Variants in TIFAB observed in about 807,000 individuals in gnomAD.
TIFAB encodes TIFA inhibitor.
For synonymous variants in TIFAB, 116 were observed against 95.2 expected, an observed-to-expected ratio of 1.22 and a Z score of -1.27; for missense variants, 222 against 203.6, an observed-to-expected ratio of 1.09 and a Z score of -0.55.
intron 1 of TIFAB, chr5:135,450,523 G>A (rs1769345690): frequency 6.6e-6 from 1 of 152,296 alleles, no homozygotes; most frequent in Non-Finnish European, 1.5e-5. Flanking sequence ...GCCTAGTCCT[G>A]GCCACCAGAA....
rs905150965 is a variant in TIFAB, at chr5:135,444,767, C to G, written c.*4687G>C. On this transcript the variant is annotated 3_prime_UTR_variant, in exon 2 of 2. Transcript: ENST00000537858. ...GACACCGGGAGACCTGGAAACAGCC[C>G]CTTGACAAAGTCTTGCTCTACACGT... is the stretch of plus-strand genomic sequence containing the variant. 21 of 152,288 alleles carry G rather than the reference C, an allele frequency of 1.4e-4. No individual in the cohort carries two copies. The highest frequency in any genetic ancestry group is 4.8e-4 in the African/African-American group (20 of 41,532). The allele number at this position is 152,288 out of a possible 1,614,324, so 9.4% of individuals were successfully genotyped here. A position where few individuals can be genotyped will look rare whatever the true frequency, so the allele number is the denominator to read the frequency against.
rs1385083781 is a variant in TIFAB at position 135,446,023 on chromosome 5, C to T, written c.*3431G>A. On this transcript the variant is annotated 3_prime_UTR_variant, in exon 2 of 2. Coordinates refer to ENST00000537858, the MANE Select transcript of TIFAB (RefSeq NM_001099221.2). The stretch of plus-strand genomic sequence containing the variant: ...CCTGAGTGTAGACTGGGTCCATGTG[C>T]CTACATGCATTCAGTTCCTCCCACC... 1.5e-5 allele frequency: 3 copies of T among 205,920 alleles called. No homozygotes were observed. The highest frequency in any genetic ancestry group is 3.0e-5 in the Non-Finnish European group (3 of 101,384). The allele number at this position is 205,920 out of a possible 1,614,324, so 12.8% of individuals were successfully genotyped here. A position where few individuals can be genotyped will look rare whatever the true frequency, so the allele number is the denominator to read the frequency against.
rs575198464 is a variant in TIFAB, at chr5:135,444,439, G to C, written c.*5015C>G. ...AGGTTAGGCTGCCACCATGAGGGAA[G>C]CTGGAGGGAGGACCTGTTAACCTCA... On this transcript the variant is annotated 3_prime_UTR_variant, in exon 2 of 2. Transcript: ENST00000537858. 6.6e-6 allele frequency: 1 copy of C among 152,276 alleles called. No homozygotes were observed. Among genetic ancestry groups the C allele is most frequent in the Non-Finnish European group, 1.5e-5 (1 of 68,078 alleles). The allele number at this position is 152,276 out of a possible 1,614,324, so 9.4% of individuals were successfully genotyped here.
Position 135,447,460 on chromosome 5 carries a change from ATT to A in TIFAB, c.*1992_*1993del. On this transcript the variant is annotated 3_prime_UTR_variant, in exon 2 of 2. Transcript: ENST00000537858. ...CTTATTAAGTGTGTGCTGGGCACTG[ATT>A]GAATGCTTTACAGGTGTCACCTTCT... 3.4e-6 allele frequency: 1 copy of A among 292,960 alleles called. No homozygotes were observed. The highest frequency in any genetic ancestry group is 6.4e-6 in the Non-Finnish European group (1 of 157,138). The allele number at this position is 292,960 out of a possible 1,614,324, so 18.1% of individuals were successfully genotyped here. A position where few individuals can be genotyped will look rare whatever the true frequency, so the allele number is the denominator to read the frequency against.
Position 135,449,817 on chromosome 5 carries a change from C to A in TIFAB, c.123G>T (p.Gly41=). Residue 41 remains glycine (G), a synonymous_variant, in exon 2 of 2, where the codon GGG becomes GGT. Transcript: ENST00000537858. The part of the protein sequence containing the change: ...HDTSPLLLGR[G]QDAHLQLQLP... ...GCTGCAGCTGGAGGTGGGCGTCCTGCCCCCGTCCGAGAAGCAGAGGGCTGG... is the reference window on the plus strand; with the variant it reads ...GCTGCAGCTGGAGGTGGGCGTCCTGACCCCGTCCGAGAAGCAGAGGGCTGG... 6.2e-7 allele frequency: 1 copy of A among 1,609,752 alleles called. No individual in the cohort carries two copies. Among genetic ancestry groups the A allele is most frequent in the Non-Finnish European group, 8.5e-7 (1 of 1,176,888 alleles).
chr5:135,446,653 G>A lies in TIFAB; in HGVS notation c.*2801C>T, dbSNP rs759855686. The A allele has an allele frequency of 2.5e-6, 4 of 1,614,064 alleles. No homozygotes were observed. The highest frequency in any genetic ancestry group is 2.2e-5 in the South Asian group (2 of 91,086). Reference sequence around the variant, plus strand: ...CCTTAAAAACTTGGTACAGGGCAAGGTGTGAGTTTCCCGGTGAGACTGTGT... The same window carrying A: ...CCTTAAAAACTTGGTACAGGGCAAGATGTGAGTTTCCCGGTGAGACTGTGT... On this transcript the variant is annotated 3_prime_UTR_variant, in exon 2 of 2. Transcript: ENST00000537858.
rs376103324 is a variant in TIFAB, at chr5:135,446,352, G to A, written c.*3102C>T. 3.6e-5 allele frequency: 56 copies of A among 1,572,672 alleles called. No homozygotes were observed. The highest frequency in any genetic ancestry group is 5.9e-5 in the South Asian group (5 of 84,058). On this transcript the variant is annotated 3_prime_UTR_variant, in exon 2 of 2. Coordinates refer to ENST00000537858, the MANE Select transcript of TIFAB (RefSeq NM_001099221.2). ...TTAGTGTATGTCTGTGCATACTTGC[G>A]TGTGTGCACACGCACACATGTTCAC... is the stretch of plus-strand genomic sequence containing the variant.
Position 135,446,463 on chromosome 5 carries a change from C to G in TIFAB, c.*2991G>C, listed in dbSNP as rs779979070. ...GAACTCACCCGCCTGCTCTGGCTGT[C>G]TGAGCAGGTGAGGGATAGTGATATC... On this transcript the variant is annotated 3_prime_UTR_variant, in exon 2 of 2. Coordinates refer to ENST00000537858, the MANE Select transcript of TIFAB (RefSeq NM_001099221.2). The G allele has an allele frequency of 1.7e-5, 28 of 1,613,748 alleles. No homozygotes were observed. Among genetic ancestry groups the G allele is most frequent in the Non-Finnish European group, 2.2e-5 (26 of 1,179,802 alleles).
rs763472854 is a variant in TIFAB at position 135,449,526 on chromosome 5, G to A, written c.414C>T (p.Tyr138=). Reference sequence around the variant, plus strand: ...CGTCAGTTTCCTCAGCCTCAGGTCTGTAAATCAGGGGTGAAGGGCTGACAT... The same window carrying A: ...CGTCAGTTTCCTCAGCCTCAGGTCTATAAATCAGGGGTGAAGGGCTGACAT... ...YFHVSPSPLI[Y]RPEAEETDEW... The change falls in exon 2 of 2, where the codon TAC becomes TAT. Residue 138 remains tyrosine (Y), a synonymous_variant. Transcript: ENST00000537858. The A allele has an allele frequency of 4.3e-6, 7 of 1,614,124 alleles. No individual in the cohort carries two copies. The African/African-American group carries it at 5.3e-5, about 12-fold the overall frequency.
At position 135,448,570 on chromosome 5, in the gene TIFAB, T is replaced by G. The variant is rs1310792397; in HGVS notation, c.*884A>C. The G allele has an allele frequency of 7.4e-6, 1 of 134,698 alleles. No individual in the cohort carries two copies. The highest frequency in any genetic ancestry group is 1.6e-5 in the Non-Finnish European group (1 of 64,086). 8.3% of individuals were successfully genotyped at this position (134,698 alleles called of 1,614,324 possible). A position where few individuals can be genotyped will look rare whatever the true frequency, so the allele number is the denominator to read the frequency against. ...TTACACAAACCCCCACCCCATCCCC[T>G]CATTCCCTAAAGACCTTGCCCTCAA... On this transcript the variant is annotated 3_prime_UTR_variant, in exon 2 of 2. Coordinates refer to ENST00000537858, the MANE Select transcript of TIFAB (RefSeq NM_001099221.2).
rs183805124 is a variant in TIFAB at position 135,449,774 on chromosome 5, G to A, written c.166C>T (p.Arg56Cys). ...LQLQLPRLSR[R>C]HLSLEPYLEK... Reference sequence around the variant, plus strand: ...AGGTAGGGCTCCAGGGACAGGTGACGGCGGGAGAGGCGAGGGAGCTGCAGC... The same window carrying A: ...AGGTAGGGCTCCAGGGACAGGTGACAGCGGGAGAGGCGAGGGAGCTGCAGC... Residue 56 changes from arginine to cysteine, a missense_variant, in exon 2 of 2, where the codon CGT becomes TGT. Coordinates refer to ENST00000537858, the MANE Select transcript of TIFAB (RefSeq NM_001099221.2). 6.8e-6 allele frequency: 11 copies of A among 1,612,464 alleles called. No homozygotes were observed. Among genetic ancestry groups the A allele is most frequent in the East Asian group, 2.2e-5 (1 of 44,822 alleles).
rs915073731 is a variant in TIFAB, at chr5:135,449,152, C to T, written c.*302G>A. Reference sequence around the variant, plus strand: ...AGTATATGATGTTCCCATTACATTGCATAGCTCTGGCCACAGAGGGTGCTT... The same window carrying T: ...AGTATATGATGTTCCCATTACATTGTATAGCTCTGGCCACAGAGGGTGCTT... On this transcript the variant is annotated 3_prime_UTR_variant, in exon 2 of 2. Transcript: ENST00000537858. 71 of 431,092 alleles carry T rather than the reference C, an allele frequency of 1.6e-4. No individual in the cohort carries two copies. Among genetic ancestry groups the T allele is most frequent in the Non-Finnish European group, 8.2e-5 (19 of 233,016 alleles). The allele number at this position is 431,092 out of a possible 1,614,324, so 26.7% of individuals were successfully genotyped here.
chr5:135,450,939 C>T (rs72787111), intron 1 of TIFAB, among the ~76,000 whole-genome samples: 15,405 of 152,202 alleles, frequency 0.1, 867 homozygotes, highest in South Asian at 0.2. Context: ...AGGGGGAATC[C>T]CCCAGGACAC....
chr5:135,451,633 G>A (rs527601260), intron 1 of TIFAB, among the ~76,000 whole-genome samples: 10 of 152,138 alleles, frequency 6.6e-5, no homozygotes, highest in East Asian at 1.9e-4. Context: ...ACAGGTGCCC[G>A]CCACCATGCC....
Position 135,449,618 on chromosome 5 carries a change from A to G in TIFAB, c.322T>C (p.Ser108Pro). 1 of 1,614,192 alleles carries G rather than the reference A, an allele frequency of 6.2e-7. No individual in the cohort carries two copies. Among genetic ancestry groups the G allele is most frequent in the Non-Finnish European group, 8.5e-7 (1 of 1,180,042 alleles). ...PLSTVNRVSF[S>P]GIQMLVRVEE... ...ACGCGAACCAGCATCTGGATGCCTG[A>G]GAAGGAGACCCTGTTGACGGTGCTC... The change falls in exon 2 of 2, where the codon TCA becomes CCA. Residue 108 changes from serine to proline, a missense_variant. Physicochemically the swap from Ser to Pro is moderately conservative, Grantham distance 74. Coordinates refer to ENST00000537858, the MANE Select transcript of TIFAB (RefSeq NM_001099221.2).
chr5:135,450,004 G>A, intron 1 of TIFAB, 55 bp from the exon 2 acceptor site: 1 of 1,507,240 alleles, frequency 6.6e-7, no homozygotes, highest in Non-Finnish European at 8.9e-7. Flanking sequence ...GACCTCTGTG[G>A]CTCCCTGAGC....
Position 135,447,558 on chromosome 5 carries a change from A to G in TIFAB, c.*1896T>C. 5.4e-6 allele frequency: 1 copy of G among 184,430 alleles called. No individual in the cohort carries two copies. The allele number at this position is 184,430 out of a possible 1,614,324, so 11.4% of individuals were successfully genotyped here. A position where few individuals can be genotyped will look rare whatever the true frequency, so the allele number is the denominator to read the frequency against. Reference sequence around the variant, plus strand: ...TTCCAGCGGGAGAAATAGAGGCAAGAGCAGACTAAATCACTTGCCCAAATC... The same window carrying G: ...TTCCAGCGGGAGAAATAGAGGCAAGGGCAGACTAAATCACTTGCCCAAATC... On this transcript the variant is annotated 3_prime_UTR_variant, in exon 2 of 2. Transcript: ENST00000537858.
Position 135,446,971 on chromosome 5 carries a change from T to C in TIFAB, c.*2483A>G. On this transcript the variant is annotated 3_prime_UTR_variant, in exon 2 of 2. Transcript: ENST00000537858. ...GCAGCAGCTCATTCCCAAAGTTCTC[T>C]GGTGGAGCTGGGGAGTGGCACCCTG... 4.4e-5 allele frequency: 71 copies of C among 1,612,862 alleles called. No individual in the cohort carries two copies. The highest frequency in any genetic ancestry group is 6.0e-5 in the Non-Finnish European group (71 of 1,179,354).
At position 135,447,968 on chromosome 5, in the gene TIFAB, T is replaced by A. The variant is rs1286925705; in HGVS notation, c.*1486A>T. ...AATGAATGAGGAACTGCTTTGGGGG[T>A]CCCAAGGGGTCATTCACAGCATCAG... On this transcript the variant is annotated 3_prime_UTR_variant, in exon 2 of 2. Coordinates refer to ENST00000537858, the MANE Select transcript of TIFAB (RefSeq NM_001099221.2). 1 of 152,074 alleles carries A rather than the reference T, an allele frequency of 6.6e-6. No individual in the cohort carries two copies. Among genetic ancestry groups the A allele is most frequent in the African/African-American group, 2.4e-5 (1 of 41,376 alleles). The allele number at this position is 152,074 out of a possible 1,614,324, so 9.4% of individuals were successfully genotyped here. A position where few individuals can be genotyped will look rare whatever the true frequency, so the allele number is the denominator to read the frequency against.
Sources: allele counts gnomAD v4.1 joint callset (sites outside exome capture counted in the v4.1 genomes callset), GRCh38; gene constraint gnomAD v4.1.1; transcripts MANE v1.5; gene names NCBI Gene and HGNC (gene_info 2026-07-23, HGNC 2026-07-21).